The following PIK3C2G variants were observed in gnomAD, a reference collection of about 807,000 sequenced individuals.
PIK3C2G encodes the protein phosphatidylinositol 3-kinase C2 domain-containing subunit gamma.
PIK3C2G carries 168 observed loss-of-function variants against 181.1 expected under a neutral mutation model. The observed-to-expected ratio is 0.93, with a 90% CI of 0.82 to 1.05. PIK3C2G has a LOEUF of 1.05. Ranked by LOEUF, PIK3C2G falls within the 50% of genes least tolerant of loss-of-function variation. The pLI is 0.00. For synonymous variants in PIK3C2G, 573 were observed against 592.2 expected (o/e 0.97, Z 0.47); for missense variants, 1,869 against 1,732.8 (o/e 1.08, Z -1.40).
At chr12:18,537,064 C>G (rs376899338) in intron 24 of PIK3C2G, among the ~76,000 whole-genome samples, 3 of 151,922 alleles carry the variant, frequency 2.0e-5, no homozygotes, top group East Asian at 3.9e-4. Flanking sequence ...CAATTAGACC[C>G]CCCTGTCCCA....
chr12:18,391,338 G>A (rs1592139926), intron 15 of PIK3C2G, 86 bp downstream of exon 15: 29 of 988,378 alleles, frequency 2.9e-5, no homozygotes, highest in Non-Finnish European at 3.8e-5. Context: ...GCTTCAAAGA[G>A]TGAGTGTTCC....
chr12:18,690,982 C>T, the PIK3C2G span, among the ~76,000 whole-genome samples: 17 of 152,132 alleles, frequency 1.1e-4, no homozygotes, highest in Admixed American at 7.9e-4. Flanking sequence ...AAAATCTCTC[C>T]GGTCAACTTG....
chr12:18,469,157 G>T (rs1407154739), intron 18 of PIK3C2G, among the ~76,000 whole-genome samples: 1 of 152,078 alleles, frequency 6.6e-6, no homozygotes, highest in African/African-American at 2.4e-5. Flanking sequence ...CCAAATCAGA[G>T]TTAAATTTGC....
chr12:18,297,840 C>T (rs917130675), intron 5 of PIK3C2G, among the ~76,000 whole-genome samples: 9 of 151,962 alleles, frequency 5.9e-5, no homozygotes, highest in African/African-American at 2.2e-4. Flanking sequence ...CATGTTGCTG[C>T]AAATGACAGC....
chr12:18,556,513 G>T (rs903768241), intron 26 of PIK3C2G, among the ~76,000 whole-genome samples: 3 of 152,096 alleles, frequency 2.0e-5, no homozygotes, highest in African/African-American at 7.2e-5. Context: ...GTGAGGGTGA[G>T]TTCATCAAAA....
chr12:18,322,312 G>A (rs1474479764), intron 7 of PIK3C2G, among the ~76,000 whole-genome samples: 2 of 151,656 alleles, frequency 1.3e-5, no homozygotes, highest in African/African-American at 4.9e-5. Flanking sequence ...AACCCAGGAT[G>A]TGGAGGTTGC....
chr12:18,584,129 G>A (rs950694349), intron 29 of PIK3C2G, among the ~76,000 whole-genome samples: 1 of 150,990 alleles, frequency 6.6e-6, no homozygotes, highest in African/African-American at 2.4e-5. Context: ...CCCGGTTCAC[G>A]CCATTCTCCT....
chr12:18,302,320 A>G (rs1950208941), intron 5 of PIK3C2G, among the ~76,000 whole-genome samples: 1 of 152,150 alleles, frequency 6.6e-6, no homozygotes, highest in Non-Finnish European at 1.5e-5. Flanking sequence ...GGCTCCCAGG[A>G]GGCTCACACT....
Position 18,442,340 on chromosome 12 carries a change from C to T in PIK3C2G, c.2504+18301C>T, listed in dbSNP as rs141063402. ...ATTTCACAAACATGAATATTATTGT[C>T]TGTCCTCAAAAAGTTTACATCTTCC... On this transcript the variant is annotated intron_variant, in intron 18 of 32. Coordinates refer to ENST00000538779, the MANE Select transcript of PIK3C2G (RefSeq NM_001288772.2). Among the ~76,000 whole-genome samples, 978 of 152,182 alleles carry T rather than the reference C, an allele frequency of 6.4e-3. 11 individuals are homozygous for T. The highest frequency in any genetic ancestry group is 0.023 in the African/African-American group (943 of 41,538).
At chr12:18,438,949 T>C (rs1946591859) in intron 18 of PIK3C2G, among the ~76,000 whole-genome samples, 1 of 151,882 alleles carries the variant, frequency 6.6e-6, no homozygotes, top group Non-Finnish European at 1.5e-5. Flanking sequence ...TTTGGAGTCA[T>C]TTAGAAAGGA....
At position 18,505,269 on chromosome 12, in the gene PIK3C2G, A is replaced by G. The variant is rs568605911; in HGVS notation, c.3154-23A>G. 16 of 1,553,474 alleles carry G rather than the reference A, an allele frequency of 1.0e-5. No individual in the cohort carries two copies. In the South Asian group the frequency reaches 1.7e-4, roughly 16 times the overall value. On this transcript the variant is annotated intron_variant, in intron 23 of 32. Coordinates refer to ENST00000538779, the MANE Select transcript of PIK3C2G (RefSeq NM_001288772.2). ...GCTCATTTTTTGTTGTTATTTTTGC[A>G]TGATTGTTTTTCAATGAATTAGGCC... is the stretch of plus-strand genomic sequence containing the variant.
At chr12:18,561,780 A>C (rs1020847770) in intron 26 of PIK3C2G, among the ~76,000 whole-genome samples, 2 of 152,040 alleles carry the variant, frequency 1.3e-5, no homozygotes, top group African/African-American at 4.8e-5. Context: ...AGAGACAACA[A>C]AAATAAAAAC....
chr12:18,450,346 G>A (rs866783793), intron 18 of PIK3C2G, among the ~76,000 whole-genome samples: 2 of 152,132 alleles, frequency 1.3e-5, no homozygotes, highest in East Asian at 1.9e-4. Flanking sequence ...GGCTGGTCTC[G>A]AACTCCCAAC....
At chr12:18,397,551 A>G (rs554130297) in intron 15 of PIK3C2G, among the ~76,000 whole-genome samples, 2 of 152,178 alleles carry the variant, frequency 1.3e-5, no homozygotes, top group East Asian at 3.9e-4. Flanking sequence ...CCAAGTAAAT[A>G]TAAATTAGAA....
chr12:18,371,157 C>A, intron 12 of PIK3C2G, 23 bp from the exon 13 acceptor site: 1 of 1,582,206 alleles, frequency 6.3e-7, no homozygotes, highest in East Asian at 2.3e-5. Context: ...GTAGGTAATG[C>A]TTCTTCTTTC....
At chr12:18,343,235 A>G in intron 9 of PIK3C2G, 92 bp from the exon 10 acceptor site, 1 of 697,036 alleles carries the variant, frequency 1.4e-6, no homozygotes, top group South Asian at 1.7e-5. Flanking sequence ...CATGACAAAG[A>G]AATTATAATG....
rs570312845 is a variant in PIK3C2G at position 18,343,589 on chromosome 12, T to C, written c.1429+229T>C. Among the ~76,000 whole-genome samples the C allele has an allele frequency of 1.4e-4, 22 of 152,116 alleles. 1 individual carries two copies. The highest frequency in any genetic ancestry group is 1.2e-3 in the Admixed American group (18 of 15,262). On this transcript the variant is annotated intron_variant, in intron 10 of 32. Coordinates refer to ENST00000538779, the MANE Select transcript of PIK3C2G (RefSeq NM_001288772.2). ...TAAAAATCTGCACTCTCTAAACTTT[T>C]AGCCTGATATTTTAAAAATAATGAG... is the stretch of plus-strand genomic sequence containing the variant.
chr12:18,298,529 A>G (rs575903306), intron 5 of PIK3C2G, among the ~76,000 whole-genome samples: 99 of 150,884 alleles, frequency 6.6e-4, no homozygotes, highest in African/African-American at 2.3e-3. Flanking sequence ...TTTGTTTGCT[A>G]TGCAGGAGCT....
chr12:18,538,956 A>G (rs1052550447), intron 25 of PIK3C2G, among the ~76,000 whole-genome samples: 1 of 151,994 alleles, frequency 6.6e-6, no homozygotes, highest in African/African-American at 2.4e-5. Flanking sequence ...TCTGATAGAA[A>G]TATCTTCTAG....
Sources: allele counts gnomAD v4.1 joint callset (sites outside exome capture counted in the v4.1 genomes callset), GRCh38; gene constraint gnomAD v4.1.1; transcripts MANE v1.5; gene names NCBI Gene and HGNC (gene_info 2026-07-23, HGNC 2026-07-21).